PLA2R1: variants seen among roughly 807,000 people sequenced by gnomAD.
PLA2R1 encodes the protein phospholipase A2 receptor 1.
Under a neutral mutation model 195.9 loss-of-function variants are expected in PLA2R1, and 158 were observed. The ratio of observed to expected loss-of-function variants is 0.81; its 90% CI spans 0.71 to 0.92. PLA2R1 has a LOEUF of 0.92. PLA2R1 is among the 40% of genes least tolerant of loss of function. PLA2R1 has a pLI of 0.00. For missense variants in PLA2R1, 1,626 were observed against 1,764.6 expected (o/e 0.92, Z 1.41); for synonymous variants, 586 against 598.2 (o/e 0.98, Z 0.30).
At chr2:160,031,949 T>TAGAG in intron 4 of PLA2R1, among the ~76,000 whole-genome samples, 1 of 152,268 alleles carries the variant, frequency 6.6e-6, no homozygotes, top group African/African-American at 2.4e-5. Flanking sequence ...GTATTTTTAG[T>TAGAG]AGAGAGAGGA....
At chr2:159,994,924 A>G (rs79249720) in intron 11 of PLA2R1, among the ~76,000 whole-genome samples, 5,040 of 152,118 alleles carry the variant, frequency 0.033, 96 homozygotes, top group East Asian at 0.052. Context: ...AATTGTAGCA[A>G]ATGTACGACT....
At chr2:160,029,835 G>A (rs960537433) in intron 4 of PLA2R1, among the ~76,000 whole-genome samples, 1 of 152,166 alleles carries the variant, frequency 6.6e-6, no homozygotes, top group African/African-American at 2.4e-5. Flanking sequence ...GCTTTGAAAT[G>A]TTGCCATTTA....
Position 160,012,884 on chromosome 2 carries a change from C to T in PLA2R1, c.1664+379G>A, listed in dbSNP as rs142897438. Among the ~76,000 whole-genome samples the T allele has an allele frequency of 1.8e-3, 275 of 151,832 alleles. 4 individuals are homozygous for T. In the East Asian group the frequency reaches 0.044, roughly 24 times the overall value. ...CTGAGACTGCACCACTGCACTCCAGCCTGGGCAACAGAGCAAGATTCTGTC... is the reference window on the plus strand; with the variant it reads ...CTGAGACTGCACCACTGCACTCCAGTCTGGGCAACAGAGCAAGATTCTGTC... On this transcript the variant is annotated intron_variant, in intron 10 of 29. Coordinates refer to ENST00000283243, the MANE Select transcript of PLA2R1 (RefSeq NM_007366.5).
chr2:160,024,478 A>T (rs1210143137), intron 6 of PLA2R1, among the ~76,000 whole-genome samples: 1 of 152,008 alleles, frequency 6.6e-6, no homozygotes. Flanking sequence ...CTGAAGTGGC[A>T]CCCTGCCTCC....
chr2:160,028,144 A>T, intron 6 of PLA2R1, 74 bp downstream of exon 6: 1 of 1,012,510 alleles, frequency 9.9e-7, no homozygotes, highest in African/African-American at 1.6e-5. Context: ...TATTAGCAAA[A>T]AATAGAGAAA....
At chr2:160,055,693 A>C (rs1315762533) in intron 1 of PLA2R1, among the ~76,000 whole-genome samples, 1 of 152,232 alleles carries the variant, frequency 6.6e-6, no homozygotes, top group South Asian at 2.1e-4. Context: ...TCCTGTGGGC[A>C]CAAGTTACTT....
At chr2:160,008,143 C>T (rs1334440405) in intron 10 of PLA2R1, among the ~76,000 whole-genome samples, 2 of 152,010 alleles carry the variant, frequency 1.3e-5, no homozygotes, top group Non-Finnish European at 2.9e-5. Flanking sequence ...CACTACAAAA[C>T]ATAAAAAACA....
chr2:160,028,985 T>G, intron 4 of PLA2R1, 22 bp from the exon 5 acceptor site: 1 of 1,321,488 alleles, frequency 7.6e-7, no homozygotes, highest in Non-Finnish European at 1.1e-6. Context: ...ATTATGGAGC[T>G]TCAAAAAAAA....
chr2:160,052,849 A>G (rs17831161), intron 1 of PLA2R1, among the ~76,000 whole-genome samples: 45,978 of 152,208 alleles, frequency 0.3, 8,747 homozygotes, highest in Non-Finnish European at 0.42. Context: ...TGAGCTATCC[A>G]TCTTAGCCGC....
intron 1 of PLA2R1, among the ~76,000 whole-genome samples, chr2:160,053,071 C>T (rs1695313413): frequency 2.0e-5 from 3 of 152,108 alleles, no homozygotes; most frequent in Admixed American, 1.3e-4. Flanking sequence ...ATTCTGGAGG[C>T]TGGAAGCGTG....
intron 16 of PLA2R1, 122 bp from the exon 17 acceptor site, chr2:159,976,347 A>AACAC (rs56857653): frequency 7.3e-5 from 44 of 600,244 alleles, no homozygotes; most frequent in East Asian, 2.6e-4. Flanking sequence ...CAGGAATTTG[A>AACAC]ACACACACAC....
chr2:159,935,624 A>T lies in PLA2R1; in HGVS notation c.*6154T>A, dbSNP rs1686784168. On this transcript the variant is annotated 3_prime_UTR_variant, in exon 30 of 30. Transcript: ENST00000283243. ...TTCAGACATGTGCCATCTTTTTGTGAGCACCTCCTTATTTTCTGCCATCAC... is the reference window on the plus strand; with the variant it reads ...TTCAGACATGTGCCATCTTTTTGTGTGCACCTCCTTATTTTCTGCCATCAC... The T allele has an allele frequency of 6.6e-6, 1 of 152,108 alleles. No individual in the cohort carries two copies. Among genetic ancestry groups the T allele is most frequent in the Non-Finnish European group, 1.5e-5 (1 of 68,032 alleles). 9.4% of individuals were successfully genotyped at this position (152,108 alleles called of 1,614,324 possible).
At chr2:159,945,387 C>T (rs1037351110) in intron 27 of PLA2R1, among the ~76,000 whole-genome samples, 3 of 151,482 alleles carry the variant, frequency 2.0e-5, no homozygotes, top group African/African-American at 7.3e-5. Context: ...TGTGATGTTC[C>T]CCTTCCTGTG....
At chr2:159,952,892 C>T (rs964486690) in intron 23 of PLA2R1, among the ~76,000 whole-genome samples, 1 of 152,042 alleles carries the variant, frequency 6.6e-6, no homozygotes, top group African/African-American at 2.4e-5. Context: ...ATGGAAAAAC[C>T]AAAGTAAAAT....
chr2:160,047,159 C>T (rs1413671000), intron 1 of PLA2R1, among the ~76,000 whole-genome samples: 5 of 152,152 alleles, frequency 3.3e-5, no homozygotes, highest in Non-Finnish European at 4.4e-5. Flanking sequence ...TCTGGAGTCA[C>T]GTGGAGCTGT....
intron 4 of PLA2R1, among the ~76,000 whole-genome samples, chr2:160,031,761 T>C (rs1203551228): frequency 6.6e-6 from 1 of 152,148 alleles, no homozygotes; most frequent in East Asian, 1.9e-4. Flanking sequence ...ATTTTTATTT[T>C]TTATTTATGT....
intron 8 of PLA2R1, among the ~76,000 whole-genome samples, chr2:160,018,466 T>C (rs1692903730): frequency 6.6e-6 from 1 of 152,112 alleles, no homozygotes; most frequent in African/African-American, 2.4e-5. Context: ...ACCCCATGTC[T>C]ACTAAAAATA....
chr2:160,040,819 T>C (rs573202302), intron 3 of PLA2R1, among the ~76,000 whole-genome samples: 1 of 152,200 alleles, frequency 6.6e-6, no homozygotes, highest in Non-Finnish European at 1.5e-5. Flanking sequence ...ATAAATTGGG[T>C]TTGATGCTGC....
chr2:160,005,590 G>C (rs1691924620), intron 11 of PLA2R1, 62 bp downstream of exon 11: 2 of 1,412,760 alleles, frequency 1.4e-6, no homozygotes, highest in Admixed American at 1.8e-5. Flanking sequence ...TGGGCCAAGG[G>C]GTGGAAGGAA....
Sources: gnomAD v4.1 joint callset for allele counts (sites outside exome capture counted in the v4.1 genomes callset) on GRCh38, gnomAD v4.1.1 for gene constraint, MANE v1.5 for transcripts, NCBI Gene and HGNC (gene_info 2026-07-23, HGNC 2026-07-21) for gene names.